The following RUNX3 variants were observed in gnomAD, a reference collection of about 807,000 sequenced individuals.
The protein encoded by RUNX3 is runt-related transcription factor 3.
A neutral mutation model predicts 27.7 loss-of-function variants in RUNX3; 10 were observed. That is an observed-to-expected ratio of 0.36 (90% confidence interval 0.22 to 0.61). The LOEUF is 0.61. Among genes scored for constraint, RUNX3 ranks in the 20% least tolerant of loss-of-function variants. The pLI, the probability that RUNX3 is intolerant of heterozygous loss-of-function variation, is 0.72. For synonymous variants in RUNX3, 270 were observed against 269.2 expected (o/e 1.00, Z -0.03); for missense variants, 469 against 629.5 (o/e 0.75, Z 2.73).
chr1:24,912,268 G>T (rs1640810935), intron 3 of RUNX3, among the ~76,000 whole-genome samples: 1 of 152,214 alleles, frequency 6.6e-6, no homozygotes, highest in South Asian at 2.1e-4. Context: ...CCTGATTTAA[G>T]GTAGCAAAGA....
At chr1:24,940,919 T>C (rs1162147581) in intron 2 of RUNX3, among the ~76,000 whole-genome samples, 3 of 152,232 alleles carry the variant, frequency 2.0e-5, no homozygotes, top group Non-Finnish European at 4.4e-5. Context: ...ACAATACTTA[T>C]ATTTTATACA....
rs989912025 is a variant in RUNX3, at chr1:24,930,016, G to A, written c.-148C>T. On this transcript the variant is annotated 5_prime_UTR_variant, in exon 1 of 5. Transcript: ENST00000308873. The surrounding 1 kb of genome is among the most constrained non-coding windows in gnomAD (Gnocchi z 4.1). ...CGGGCCTCAGGGCGCAGGGGGCGGC[G>A]CCCGGCCACTACTCGCCAGGGCCCG... is the stretch of plus-strand genomic sequence containing the variant. 9.0e-7 allele frequency: 1 copy of A among 1,113,762 alleles called. No individual in the cohort carries two copies. Among genetic ancestry groups the A allele is most frequent in the Non-Finnish European group, 1.1e-6 (1 of 914,716 alleles). 69.0% of individuals were successfully genotyped at this position (1,113,762 alleles called of 1,614,324 possible). A position where few individuals can be genotyped will look rare whatever the true frequency, so the allele number is the denominator to read the frequency against.
intron 3 of RUNX3, 40 bp downstream of exon 3, chr1:24,919,200 C>T (rs1170691403): frequency 1.5e-6 from 2 of 1,310,058 alleles, no homozygotes; most frequent in Admixed American, 4.0e-5. Flanking sequence ...CTGGACCCTC[C>T]TCCCCCGCGC....
Position 24,902,076 on chromosome 1 carries a change from G to A in RUNX3, c.*46C>T, listed in dbSNP as rs767756692. On this transcript the variant is annotated 3_prime_UTR_variant, in exon 5 of 5. Coordinates refer to ENST00000308873, the MANE Select transcript of RUNX3 (RefSeq NM_004350.3). The surrounding 1 kb of genome is among the most constrained non-coding windows in gnomAD (Gnocchi z 9.2). Reference sequence around the variant, plus strand: ...GAGCCGGCCCATCACTGGTCTTGAAGGTTGTTAGGGTCCCCGCCTCCAGCG... The same window carrying A: ...GAGCCGGCCCATCACTGGTCTTGAAAGTTGTTAGGGTCCCCGCCTCCAGCG... The A allele has an allele frequency of 2.7e-6, 4 of 1,456,576 alleles. No individual in the cohort carries two copies. The highest frequency in any genetic ancestry group is 1.4e-5 in the South Asian group (1 of 72,524). 90.2% of individuals were successfully genotyped at this position (1,456,576 alleles called of 1,614,324 possible). A position where few individuals can be genotyped will look rare whatever the true frequency, so the allele number is the denominator to read the frequency against.
intron 2 of RUNX3, among the ~76,000 whole-genome samples, chr1:24,922,782 CAAAAAAAAAAAAAA>C (rs57671911): frequency 4.6e-5 from 1 of 21,542 alleles, no homozygotes; most frequent in Admixed American, 5.5e-4. Context: ...GCCCACAGGG[CAAAAAAAAAAAAAA>C]AAAAAAAAAA....
upstream of RUNX3, among the ~76,000 whole-genome samples, chr1:24,931,905 C>G (rs532491692): frequency 1.4e-4 from 21 of 152,358 alleles, no homozygotes; most frequent in African/African-American, 4.1e-4. Flanking sequence ...ATTGCGGACC[C>G]AGGCCCGCGC....
At chr1:24,932,164 G>T (rs1360296484), upstream of RUNX3, among the ~76,000 whole-genome samples, 4 of 152,164 alleles carry the variant, frequency 2.6e-5, no homozygotes, top group Admixed American at 6.5e-5. Context: ...TTGTTCCTCC[G>T]CCTGATTTCT....
chr1:24,964,001 G>A (rs752359446), intron 2 of RUNX3, among the ~76,000 whole-genome samples: 6 of 152,228 alleles, frequency 3.9e-5, no homozygotes, highest in Non-Finnish European at 7.3e-5. Context: ...TTCCACAAAA[G>A]CCTGTGGCTT....
chr1:24,922,173 C>G (rs1641012508), intron 2 of RUNX3, among the ~76,000 whole-genome samples: 1 of 148,890 alleles, frequency 6.7e-6, no homozygotes, highest in Non-Finnish European at 1.5e-5. Flanking sequence ...CCTTTCCTTT[C>G]TTTTCTTTCT....
At chr1:24,964,399 C>A (rs560394595) in intron 2 of RUNX3, 213 of 814,298 alleles carry the variant, frequency 2.6e-4, no homozygotes, top group Non-Finnish European at 4.2e-4. Flanking sequence ...CAGAGGCCAG[C>A]GGATTTAGGC....
At chr1:24,918,151 G>A in intron 3 of RUNX3, among the ~76,000 whole-genome samples, 1 of 152,198 alleles carries the variant, frequency 6.6e-6, no homozygotes, top group Non-Finnish European at 1.5e-5. Flanking sequence ...GCCAGATGCT[G>A]GGATGGGCCC....
In RUNX3 at chr1:24,900,814, G is replaced by C. The variant is rs1461916328; in HGVS notation, c.*1308C>G. ...GGTGGGATGCTGCCTGATGGGGAGT[G>C]TAGCCCCTTGAGAAAGTATTGAGAC... On this transcript the variant is annotated 3_prime_UTR_variant, in exon 5 of 5. Coordinates refer to ENST00000308873, the MANE Select transcript of RUNX3 (RefSeq NM_004350.3). The C allele has an allele frequency of 6.6e-6, 1 of 152,132 alleles. No individual in the cohort carries two copies. The highest frequency in any genetic ancestry group is 1.5e-5 in the Non-Finnish European group (1 of 68,038). The allele number at this position is 152,132 out of a possible 1,614,324, so 9.4% of individuals were successfully genotyped here.
Position 24,916,768 on chromosome 1 carries a change from G to T in RUNX3, c.544+2472C>A, listed in dbSNP as rs564009014. 6.6e-5 allele frequency among the ~76,000 whole-genome samples: 10 copies of T among 152,242 alleles called. No individual in the cohort carries two copies. Among genetic ancestry groups the T allele is most frequent in the South Asian group, 2.1e-4 (1 of 4,814 alleles). On this transcript the variant is annotated intron_variant, in intron 3 of 4. Coordinates refer to ENST00000308873, the MANE Select transcript of RUNX3 (RefSeq NM_004350.3). The surrounding 1 kb of genome is among the most constrained non-coding windows in gnomAD (Gnocchi z 4.8). Reference sequence around the variant, plus strand: ...CCCGACTCCATCTCTGCTCTGTTCTGTAAATAAAACCACTGATCCAGCCGC... The same window carrying T: ...CCCGACTCCATCTCTGCTCTGTTCTTTAAATAAAACCACTGATCCAGCCGC...
intron 2 of RUNX3, among the ~76,000 whole-genome samples, chr1:24,956,067 G>A (rs899710533): frequency 8.5e-5 from 13 of 152,254 alleles, no homozygotes; most frequent in African/African-American, 3.1e-4. Context: ...GCTCTGCGCA[G>A]CCCGGGGCAG....
At chr1:24,922,823 A>T (rs75473457) in intron 2 of RUNX3, among the ~76,000 whole-genome samples, 3 of 149,662 alleles carry the variant, frequency 2.0e-5, no homozygotes, top group African/African-American at 7.5e-5. Context: ...AAGCAGCTCA[A>T]CCTGAAGTAT....
chr1:24,908,960 A>G (rs1481943442), intron 3 of RUNX3, among the ~76,000 whole-genome samples: 4 of 152,158 alleles, frequency 2.6e-5, no homozygotes, highest in Admixed American at 2.6e-4. Flanking sequence ...TGCATGAGGG[A>G]CTAGACAGCC....
rs1473231227 is a variant in RUNX3 at position 24,902,770 on chromosome 1, C to T, written c.704-104G>A. 2.8e-6 allele frequency: 3 copies of T among 1,059,410 alleles called. No individual in the cohort carries two copies. Among genetic ancestry groups the T allele is most frequent in the East Asian group, 5.2e-5 (2 of 38,474 alleles). 65.6% of individuals were successfully genotyped at this position (1,059,410 alleles called of 1,614,324 possible). A position where few individuals can be genotyped will look rare whatever the true frequency, so the allele number is the denominator to read the frequency against. ...TGGTTCCCAAGGCCCATCTGGGGGA[C>T]CCCTAGTTCTAGACCTGGCTCTCCT... On this transcript the variant is annotated intron_variant, in intron 4 of 4. Transcript: ENST00000308873. This position sits in a 1 kb window ranked among gnomAD's most constrained non-coding sequence, Gnocchi z 9.2.
In RUNX3 at chr1:24,904,291, G is replaced by A. The variant is rs780198961; in HGVS notation, c.704-1625C>T. Among the ~76,000 whole-genome samples the A allele has an allele frequency of 5.9e-5, 9 of 152,208 alleles. No individual in the cohort carries two copies. The highest frequency in any genetic ancestry group is 2.0e-4 in the Admixed American group (3 of 15,290). ...CTTCGGCTGGGACTTGGAACTTCTCGGGGCTTTGGGGTCTTCCCAAGTCAG... is the reference window on the plus strand; with the variant it reads ...CTTCGGCTGGGACTTGGAACTTCTCAGGGCTTTGGGGTCTTCCCAAGTCAG... On this transcript the variant is annotated intron_variant, in intron 4 of 4. Transcript: ENST00000308873. This position sits in a 1 kb window ranked among gnomAD's most constrained non-coding sequence, Gnocchi z 5.7.
chr1:24,920,275 T>G (rs1276554577), intron 2 of RUNX3, among the ~76,000 whole-genome samples: 1 of 152,200 alleles, frequency 6.6e-6, no homozygotes, highest in Non-Finnish European at 1.5e-5. Flanking sequence ...TAAAAATCTT[T>G]GTCTGCATCT....
Sources: gnomAD v4.1 joint callset for allele counts (sites outside exome capture counted in the v4.1 genomes callset) on GRCh38, gnomAD v4.1.1 for gene constraint, Gnocchi (gnomAD v3.1) non-coding constraint, MANE v1.5 for transcripts, NCBI Gene and HGNC (gene_info 2026-07-23, HGNC 2026-07-21) for gene names.